The following TNKS variants were observed in gnomAD, a reference collection of about 807,000 sequenced individuals.
TNKS encodes the protein poly [ADP-ribose] polymerase tankyrase-1.
In TNKS, 72 loss-of-function variants were observed where a neutral mutation model predicts 135.8. The ratio of observed to expected loss-of-function variants is 0.53; its 90% CI spans 0.44 to 0.64. TNKS has a LOEUF of 0.64. Ranked by LOEUF, TNKS falls within the 30% of genes least tolerant of loss-of-function variation. The probability of loss-of-function intolerance (pLI) is 0.00; values close to 1 mark genes in which losing one functional copy is unlikely to be tolerated. For synonymous variants in TNKS, 849 were observed against 649.3 expected (o/e 1.31, Z -4.68); for missense variants, 1,769 against 1,674.0 (o/e 1.06, Z -0.99).
rs1298799757 is a variant in TNKS at position 9,760,256 on chromosome 8, C to T, written c.3154-1260C>T. 2.6e-5 allele frequency among the ~76,000 whole-genome samples: 4 copies of T among 152,258 alleles called. No individual in the cohort carries two copies. The East Asian group carries it at 7.7e-4, about 29-fold the overall frequency. ...GTTTTGTTTTGTTTTTAAAGCTCTG[C>T]TGAAACCTTTCTTTTGGGTGGTTGG... On this transcript the variant is annotated intron_variant, in intron 20 of 26. Transcript: ENST00000310430.
intron 20 of TNKS, among the ~76,000 whole-genome samples, chr8:9,755,137 C>G (rs1352787365): frequency 6.6e-6 from 1 of 152,276 alleles, no homozygotes; most frequent in Non-Finnish European, 1.5e-5. Context: ...AGTCAGTTTG[C>G]ATTATAATTT....
intron 3 of TNKS, among the ~76,000 whole-genome samples, chr8:9,636,244 G>A (rs1186552914): frequency 6.6e-6 from 1 of 152,096 alleles, no homozygotes; most frequent in Non-Finnish European, 1.5e-5. Context: ...TACTAATTTT[G>A]CAAATTTTCT....
At chr8:9,628,325 C>G (rs186096951) in intron 3 of TNKS, among the ~76,000 whole-genome samples, 3 of 152,114 alleles carry the variant, frequency 2.0e-5, no homozygotes, top group Non-Finnish European at 4.4e-5. Context: ...TCATCCCTAA[C>G]GACTGTACTA....
intron 2 of TNKS, among the ~76,000 whole-genome samples, chr8:9,590,038 G>A (rs1798533617): frequency 6.6e-6 from 1 of 152,210 alleles, no homozygotes; most frequent in Non-Finnish European, 1.5e-5. Flanking sequence ...GGTGGTGACA[G>A]CAGAGCATTG....
intron 5 of TNKS, among the ~76,000 whole-genome samples, chr8:9,693,542 T>C (rs549758325): frequency 3.3e-5 from 5 of 152,292 alleles, no homozygotes; most frequent in African/African-American, 9.6e-5. Context: ...TTTTATAATT[T>C]AAAAAGGAGT....
intron 14 of TNKS, among the ~76,000 whole-genome samples, chr8:9,731,730 C>G (rs894441259): frequency 6.6e-6 from 1 of 152,184 alleles, no homozygotes; most frequent in Middle Eastern, 3.4e-3. Context: ...CATATCAGTA[C>G]TTAATAGTCT....
intron 21 of TNKS, 82 bp from the exon 22 acceptor site, chr8:9,763,063 ATT>A (rs66959741): frequency 0.22 from 77,405 of 358,684 alleles, 3,367 homozygotes; most frequent in Admixed American, 0.29. Context: ...CTTATTATGA[ATT>A]TTTTTTTTTT....
chr8:9,556,702 A>G (rs1815328347), intron 1 of TNKS, 90 bp downstream of exon 1: 3 of 1,454,422 alleles, frequency 2.1e-6, no homozygotes, highest in Admixed American at 1.8e-5. Context: ...TGATGGGACA[A>G]AGTGGGGGCG....
At chr8:9,725,158 T>A (rs537803009) in intron 12 of TNKS, among the ~76,000 whole-genome samples, 1 of 152,076 alleles carries the variant, frequency 6.6e-6, no homozygotes, top group East Asian at 1.9e-4. Context: ...AATGAGACAA[T>A]GAAAGAACAG....
rs1802746768 is a variant in TNKS at position 9,680,738 on chromosome 8, G to A, written c.1045G>A (p.Glu349Lys). ...LLEAARSGNEEKLMALLTPLN... is the reference protein window; with the variant it reads ...LLEAARSGNEKKLMALLTPLN... ...ACCTTTTTATAGGAGTGGTAATGAA[G>A]AAAAACTAATGGCTTTACTGACTCC... Residue 349 changes from glutamate (E) to lysine (K), a missense_variant, in exon 5 of 27, where the codon GAA becomes AAA. By Grantham distance (56) the Glu-to-Lys change is moderately conservative. Coordinates refer to ENST00000310430, the MANE Select transcript of TNKS (RefSeq NM_003747.3). 1.9e-6 allele frequency: 3 copies of A among 1,611,742 alleles called. No individual in the cohort carries two copies. Among genetic ancestry groups the A allele is most frequent in the Non-Finnish European group, 1.7e-6 (2 of 1,178,556 alleles).
At chr8:9,685,165 T>G (rs907882797) in intron 5 of TNKS, among the ~76,000 whole-genome samples, 2 of 152,186 alleles carry the variant, frequency 1.3e-5, no homozygotes, top group Non-Finnish European at 2.9e-5. Context: ...GTTTGAAAAC[T>G]ACTTTCAAAA....
chr8:9,561,462 C>T (rs1286262994), intron 1 of TNKS, among the ~76,000 whole-genome samples: 1 of 152,188 alleles, frequency 6.6e-6, no homozygotes, highest in Non-Finnish European at 1.5e-5. Context: ...CATATAAATG[C>T]AGTCATACAA....
intron 3 of TNKS, among the ~76,000 whole-genome samples, chr8:9,669,234 A>G (rs919788503): frequency 3.3e-4 from 50 of 151,410 alleles, no homozygotes; most frequent in African/African-American, 1.2e-3. Context: ...CTGGCTAACA[A>G]GGTGAAACCC....
At chr8:9,769,727 C>G (rs1807703839) in intron 25 of TNKS, among the ~76,000 whole-genome samples, 1 of 145,734 alleles carries the variant, frequency 6.9e-6, no homozygotes, top group African/African-American at 2.5e-5. Flanking sequence ...TCGTGCCATT[C>G]TCCTGCCTCA....
intron 24 of TNKS, 138 bp downstream of exon 24, chr8:9,765,935 C>A: frequency 1.5e-6 from 1 of 688,424 alleles, no homozygotes; most frequent in Non-Finnish European, 2.4e-6. Context: ...CAAATAATTA[C>A]TTCTTGGTAC....
At chr8:9,628,931 C>T (rs1016315189) in intron 3 of TNKS, among the ~76,000 whole-genome samples, 2 of 152,210 alleles carry the variant, frequency 1.3e-5, no homozygotes, top group Admixed American at 6.5e-5. Context: ...CCGGTTGCTC[C>T]AGCCAAAAAC....
At chr8:9,689,514 T>C (rs1803162327) in intron 5 of TNKS, among the ~76,000 whole-genome samples, 1 of 152,192 alleles carries the variant, frequency 6.6e-6, no homozygotes, top group South Asian at 2.1e-4. Flanking sequence ...TGCTTTAATT[T>C]GTTAATAGTA....
chr8:9,779,784 A>T lies in TNKS; in HGVS notation c.*3048A>T, dbSNP rs1336998530. On this transcript the variant is annotated 3_prime_UTR_variant, in exon 27 of 27. Coordinates refer to ENST00000310430, the MANE Select transcript of TNKS (RefSeq NM_003747.3). The stretch of plus-strand genomic sequence containing the variant: ...CACTGCCGCTTTGTTAACAAATGAC[A>T]GCATGGAACCCAGAGTTTTGATTCG... 1 of 152,224 alleles carries T rather than the reference A, an allele frequency of 6.6e-6. No homozygotes were observed. Among genetic ancestry groups the T allele is most frequent in the African/African-American group, 2.4e-5 (1 of 41,458 alleles). The allele number at this position is 152,224 out of a possible 1,614,324, so 9.4% of individuals were successfully genotyped here. A position where few individuals can be genotyped will look rare whatever the true frequency, so the allele number is the denominator to read the frequency against.
chr8:9,584,164 TAAA>T (rs34977301), intron 2 of TNKS, among the ~76,000 whole-genome samples: 17 of 114,422 alleles, frequency 1.5e-4, no homozygotes, highest in Admixed American at 1.9e-4. Flanking sequence ...ACTCTGTCTT[TAAA>T]AAAAAAAAAA....
Sources: gnomAD v4.1 joint callset for allele counts (sites outside exome capture counted in the v4.1 genomes callset) on GRCh38, gnomAD v4.1.1 for gene constraint, MANE v1.5 for transcripts, NCBI Gene and HGNC (gene_info 2026-07-23, HGNC 2026-07-21) for gene names.